DOCK3: variants seen among roughly 807,000 people sequenced by gnomAD.
DOCK3 encodes the protein dedicator of cytokinesis 3.
In DOCK3, 60 loss-of-function variants were observed where a neutral mutation model predicts 265.6. The observed-to-expected ratio is 0.23, with a 90% confidence interval of 0.18 to 0.28. The LOEUF (loss-of-function observed/expected upper bound fraction) is 0.28, where lower values mean the gene tolerates loss of function less well. Among genes scored for constraint, DOCK3 ranks in the 10% least tolerant of loss-of-function variants. The pLI is 1.00. For synonymous variants in DOCK3, 881 were observed against 938.0 expected, an observed-to-expected ratio of 0.94 and a Z score of 1.11; for missense variants, 1,981 against 2,594.3, an observed-to-expected ratio of 0.76 and a Z score of 5.14.
intron 5 of DOCK3, among the ~76,000 whole-genome samples, chr3:50,952,100 G>T (rs568376675): frequency 6.6e-6 from 1 of 152,306 alleles, no homozygotes; most frequent in South Asian, 2.1e-4. Context: ...TTATATTTGT[G>T]TGCAGAGAAT....
chr3:50,848,436 T>C (rs1342560048), intron 3 of DOCK3, among the ~76,000 whole-genome samples: 3 of 152,240 alleles, frequency 2.0e-5, no homozygotes. Context: ...ATCGCTCTTT[T>C]TGTTTCCATG....
intron 3 of DOCK3, chr3:50,876,673 C>G (rs2047715446): frequency 6.6e-6 from 1 of 152,518 alleles, no homozygotes; most frequent in East Asian, 1.9e-4. Context: ...CACCTAGGGC[C>G]TTTTACTTGT....
At chr3:50,767,298 A>C (rs2040953661) in intron 1 of DOCK3, among the ~76,000 whole-genome samples, 1 of 152,096 alleles carries the variant, frequency 6.6e-6, no homozygotes, top group Non-Finnish European at 1.5e-5. Flanking sequence ...TTTTTGTATA[A>C]GTTGTAAGGA....
chr3:51,184,451 T>A (rs1226088201), intron 12 of DOCK3, among the ~76,000 whole-genome samples: 4 of 151,908 alleles, frequency 2.6e-5, no homozygotes, highest in East Asian at 1.9e-4. Flanking sequence ...AAAATTTTTT[T>A]AAAATTTTAG....
intron 27 of DOCK3, 80 bp downstream of exon 27, chr3:51,280,284 A>G: frequency 7.4e-7 from 1 of 1,343,864 alleles, no homozygotes; most frequent in Non-Finnish European, 1.0e-6. Flanking sequence ...TGTCAGGGGG[A>G]TGAATGCAAG....
intron 27 of DOCK3, among the ~76,000 whole-genome samples, chr3:51,283,466 G>T (rs866669041): frequency 1.3e-5 from 2 of 152,150 alleles, no homozygotes; most frequent in African/African-American, 2.4e-5. Flanking sequence ...GACTTCCAGG[G>T]CTTTATCCTC....
intron 2 of DOCK3, among the ~76,000 whole-genome samples, chr3:50,830,035 G>A (rs2045044984): frequency 6.6e-6 from 1 of 152,146 alleles, no homozygotes; most frequent in Admixed American, 6.6e-5. Flanking sequence ...GATTTTGAAT[G>A]TAGACCTTTT....
At chr3:50,716,995 G>A (rs1489132386) in intron 1 of DOCK3, among the ~76,000 whole-genome samples, 1 of 152,076 alleles carries the variant, frequency 6.6e-6, no homozygotes, top group East Asian at 1.9e-4. Context: ...GATACTAAAA[G>A]TAGCATGCTA....
intron 2 of DOCK3, among the ~76,000 whole-genome samples, chr3:50,836,612 G>T (rs1202821450): frequency 2.6e-5 from 4 of 152,138 alleles, no homozygotes; most frequent in African/African-American, 9.7e-5. Flanking sequence ...CTAGGCGTCT[G>T]GGCCTGTGAT....
chr3:51,170,697 C>T (rs538645457), intron 12 of DOCK3, among the ~76,000 whole-genome samples: 6 of 152,204 alleles, frequency 3.9e-5, no homozygotes, highest in Non-Finnish European at 5.9e-5. Context: ...GTAATCCCAG[C>T]GCTTTGGGAG....
chr3:51,192,582 A>G (rs1034010495), intron 12 of DOCK3, among the ~76,000 whole-genome samples: 3 of 152,030 alleles, frequency 2.0e-5, no homozygotes, highest in Non-Finnish European at 4.4e-5. Context: ...GCTTGAATCA[A>G]GGGAAACCAT....
chr3:51,354,334 A>G (rs1402061999), intron 40 of DOCK3, among the ~76,000 whole-genome samples: 1 of 151,326 alleles, frequency 6.6e-6, no homozygotes, highest in Admixed American at 6.6e-5. Flanking sequence ...CTGTCCCGGG[A>G]AGCATATGGC....
chr3:50,726,403 G>C (rs1449596509), intron 1 of DOCK3, among the ~76,000 whole-genome samples: 1 of 152,110 alleles, frequency 6.6e-6, no homozygotes, highest in African/African-American at 2.4e-5. Flanking sequence ...GTATATTGGA[G>C]AATCCAGAAG....
intron 5 of DOCK3, among the ~76,000 whole-genome samples, chr3:51,050,144 G>A (rs916321428): frequency 3.3e-5 from 5 of 152,120 alleles, no homozygotes; most frequent in Non-Finnish European, 7.4e-5. Flanking sequence ...TGCTACTCAG[G>A]AGGCTGAGAT....
chr3:51,357,431 G>C (rs1016385664), intron 44 of DOCK3, among the ~76,000 whole-genome samples: 1 of 152,172 alleles, frequency 6.6e-6, no homozygotes, highest in African/African-American at 2.4e-5. Flanking sequence ...AGCCCAGCCC[G>C]TCAGGAGAAG....
chr3:51,145,277 G>A (rs1560121582), intron 9 of DOCK3, among the ~76,000 whole-genome samples: 1 of 151,882 alleles, frequency 6.6e-6, no homozygotes, highest in African/African-American at 2.4e-5. Context: ...TGTGCACAAT[G>A]TGCAGGTTTG....
At chr3:51,023,112 A>G (rs1443656844) in intron 5 of DOCK3, among the ~76,000 whole-genome samples, 1 of 152,162 alleles carries the variant, frequency 6.6e-6, no homozygotes, top group African/African-American at 2.4e-5. Flanking sequence ...AACGCCAAGG[A>G]AGTTTTCCTC....
chr3:51,107,151 A>G (rs546465594), intron 9 of DOCK3, among the ~76,000 whole-genome samples: 32 of 152,340 alleles, frequency 2.1e-4, no homozygotes, highest in African/African-American at 7.5e-4. Flanking sequence ...CCCATCTTAT[A>G]TCACAATCAA....
At chr3:50,932,546 C>T (rs1416756018) in intron 4 of DOCK3, among the ~76,000 whole-genome samples, 1 of 152,162 alleles carries the variant, frequency 6.6e-6, no homozygotes, top group Admixed American at 6.5e-5. Flanking sequence ...AGTCCCCGTG[C>T]TTTCAGTAAC....
Sources: gnomAD v4.1 joint callset for allele counts (sites outside exome capture counted in the v4.1 genomes callset) on GRCh38, gnomAD v4.1.1 for gene constraint, MANE v1.5 for transcripts, NCBI Gene and HGNC (gene_info 2026-07-23, HGNC 2026-07-21) for gene names.